Variants in DACH2 observed in about 807,000 individuals in gnomAD.
The protein encoded by DACH2 is dachshund family transcription factor 2, also known as dachshund homolog 2.
A neutral mutation model predicts 35.8 loss-of-function variants in DACH2; 17 were observed. The observed-to-expected ratio is 0.48, with a 90% CI of 0.33 to 0.71. The LOEUF (loss-of-function observed/expected upper bound fraction) is 0.71, where lower values mean the gene tolerates loss of function less well. DACH2 is among the 30% of genes least tolerant of loss of function. The pLI is 0.02. For missense variants in DACH2, 469 were observed against 472.7 expected, an observed-to-expected ratio of 0.99 and a Z score of 0.07; for synonymous variants, 195 against 177.3, an observed-to-expected ratio of 1.10 and a Z score of -0.79.
At chrX:86,375,331 T>C (rs1443711386) in intron 1 of DACH2, among the ~76,000 whole-genome samples, 1 of 101,937 alleles carries the variant, frequency 9.8e-6, no homozygotes, top group Non-Finnish European at 2.0e-5. Flanking sequence ...AGTATAATTA[T>C]ATATATATTT....
At chrX:86,603,887 A>T (rs2039823362) in intron 3 of DACH2, among the ~76,000 whole-genome samples, 1 of 110,690 alleles carries the variant, frequency 9.0e-6, no homozygotes, top group Non-Finnish European at 1.9e-5. Context: ...TTTCTATTTG[A>T]CTTCTTCTTT....
intron 6 of DACH2, among the ~76,000 whole-genome samples, chrX:86,723,886 T>A (rs1457793972): frequency 9.0e-6 from 1 of 111,667 alleles, no homozygotes; most frequent in Non-Finnish European, 1.9e-5. Flanking sequence ...GTTGTCTTTT[T>A]TTTTTACTGT....
chrX:86,440,101 G>T (rs2037135563), intron 2 of DACH2, among the ~76,000 whole-genome samples: 1 of 111,413 alleles, frequency 9.0e-6, no homozygotes, highest in African/African-American at 3.3e-5. Context: ...TGCTGTTGCT[G>T]GATGAAGTAA....
rs190017370 is a variant in DACH2 at position 86,720,096 on chromosome X, C to T, written c.1104+5376C>T. On this transcript the variant is annotated intron_variant, in intron 6 of 11. Coordinates refer to ENST00000373125, the MANE Select transcript of DACH2 (RefSeq NM_053281.3). ...TGGACTATAGGCCCCCGCCACCATG[C>T]CCAGCTACTTTTTTGTATTTTTAGT... Among the ~76,000 whole-genome samples the T allele has an allele frequency of 4.5e-3, 490 of 107,965 alleles. 1 individual carries two copies. Among genetic ancestry groups the T allele is most frequent in the Middle Eastern group, 0.028 (6 of 217 alleles). 93.8% of individuals were successfully genotyped at this position (107,965 alleles called of 115,157 possible). A position where few individuals can be genotyped will look rare whatever the true frequency, so the allele number is the denominator to read the frequency against.
chrX:86,821,010 G>A (rs761256983), intron 11 of DACH2, among the ~76,000 whole-genome samples: 9 of 111,049 alleles, frequency 8.1e-5, no homozygotes, highest in Non-Finnish European at 1.3e-4. Flanking sequence ...AAAATAAATC[G>A]CATATGATTT....
At chrX:86,603,012 G>T (rs2039810312) in intron 3 of DACH2, among the ~76,000 whole-genome samples, 1 of 111,378 alleles carries the variant, frequency 9.0e-6, no homozygotes, top group Non-Finnish European at 1.9e-5. Flanking sequence ...CCACAAACTT[G>T]TTGGCGTAAA....
chrX:86,535,403 A>T (rs1223007415), intron 3 of DACH2, among the ~76,000 whole-genome samples: 1 of 111,098 alleles, frequency 9.0e-6, no homozygotes, highest in Non-Finnish European at 1.9e-5. Flanking sequence ...AATTGAATAG[A>T]CTCCTCTCTT....
intron 11 of DACH2, among the ~76,000 whole-genome samples, chrX:86,816,938 C>T (rs1192983715): frequency 1.8e-5 from 2 of 112,001 alleles, no homozygotes; most frequent in Non-Finnish European, 3.8e-5. Flanking sequence ...GAATATGTTG[C>T]TCGCTGGAAT....
At chrX:86,725,616 A>G (rs2041458630) in intron 6 of DACH2, among the ~76,000 whole-genome samples, 1 of 111,116 alleles carries the variant, frequency 9.0e-6, no homozygotes. Flanking sequence ...TGAGTCCTGA[A>G]GGGCCAGTTC....
At chrX:86,614,927 T>G (rs1345631600) in intron 3 of DACH2, among the ~76,000 whole-genome samples, 1 of 112,043 alleles carries the variant, frequency 8.9e-6, no homozygotes, top group Non-Finnish European at 1.9e-5. Flanking sequence ...TGGCAAAGAA[T>G]AGCAAGGTTT....
chrX:86,828,937 C>T (rs2042586997), intron 11 of DACH2: 1 of 111,706 alleles, frequency 9.0e-6, no homozygotes, highest in African/African-American at 3.2e-5. Context: ...CACGTCTGCC[C>T]TAGCATTAAG....
At chrX:86,375,980 T>C (rs1602454161) in intron 1 of DACH2, among the ~76,000 whole-genome samples, 1 of 110,487 alleles carries the variant, frequency 9.1e-6, no homozygotes, top group African/African-American at 3.3e-5. Flanking sequence ...GCATGTCATT[T>C]CAGATTTCAC....
intron 2 of DACH2, among the ~76,000 whole-genome samples, chrX:86,492,953 C>A (rs2038114528): frequency 9.0e-6 from 1 of 110,909 alleles, no homozygotes; most frequent in African/African-American, 3.3e-5. Context: ...GATTTATTTT[C>A]TTTGGATATA....
At chrX:86,778,095 A>T (rs1259181142) in intron 7 of DACH2, among the ~76,000 whole-genome samples, 1 of 111,804 alleles carries the variant, frequency 8.9e-6, no homozygotes, top group East Asian at 2.8e-4. Flanking sequence ...TGCTGCAGCA[A>T]ACCTGGGTGT....
chrX:86,248,442 A>C (rs1323155150), intron 1 of DACH2, among the ~76,000 whole-genome samples: 1 of 111,179 alleles, frequency 9.0e-6, no homozygotes, highest in Non-Finnish European at 1.9e-5. Context: ...TTCCATTTAC[A>C]ATAGCCATAA....
At chrX:86,415,885 G>T (rs570324651) in intron 2 of DACH2, among the ~76,000 whole-genome samples, 1 of 111,609 alleles carries the variant, frequency 9.0e-6, no homozygotes, top group Non-Finnish European at 1.9e-5. Context: ...GTATATATAA[G>T]AAAATAGTAC....
At chrX:86,330,729 C>T (rs1447872263) in intron 1 of DACH2, among the ~76,000 whole-genome samples, 1 of 111,567 alleles carries the variant, frequency 9.0e-6, no homozygotes, top group Non-Finnish European at 1.9e-5. Flanking sequence ...CTTTGGATAG[C>T]AGTTGATTGA....
intron 5 of DACH2, 78 bp downstream of exon 5, chrX:86,695,257 A>G (rs773622527): frequency 7.1e-5 from 58 of 818,366 alleles, no homozygotes; most frequent in Non-Finnish European, 9.1e-5. Context: ...TTTGGCTGGC[A>G]GGGCTTAGTC....
At chrX:86,256,837 C>A (rs1389150304) in intron 1 of DACH2, among the ~76,000 whole-genome samples, 1 of 111,397 alleles carries the variant, frequency 9.0e-6, no homozygotes, top group African/African-American at 3.3e-5. Flanking sequence ...GAGATTAGAT[C>A]TCCACCTCAT....
Sources: allele counts gnomAD v4.1 joint callset (sites outside exome capture counted in the v4.1 genomes callset), GRCh38; gene constraint gnomAD v4.1.1; transcripts MANE v1.5; gene names NCBI Gene and HGNC (gene_info 2026-07-23, HGNC 2026-07-21).